Variants in GLIPR2 observed in about 807,000 individuals in gnomAD.
GLIPR2 encodes GLI pathogenesis related 2.
In GLIPR2, 21 loss-of-function variants were observed where a neutral mutation model predicts 20.4. The ratio of observed to expected loss-of-function variants is 1.03; its 90% CI spans 0.73 to 1.48. The LOEUF (loss-of-function observed/expected upper bound fraction) is 1.48, where lower values mean the gene tolerates loss of function less well. Among genes scored for constraint, GLIPR2 ranks in the 40% most tolerant of loss-of-function variants. GLIPR2 has a pLI of 0.00. For synonymous variants in GLIPR2, 91 were observed against 80.5 expected (o/e 1.13, Z -0.70); for missense variants, 205 against 200.1 (o/e 1.02, Z -0.15).
At position 36,162,642 on chromosome 9, in the gene GLIPR2, T is replaced by C; in HGVS notation, c.*120T>C. The C allele has an allele frequency of 1.1e-6, 1 of 910,462 alleles. No homozygotes were observed. The highest frequency in any genetic ancestry group is 1.7e-6 in the Non-Finnish European group (1 of 585,528). 56.4% of individuals were successfully genotyped at this position (910,462 alleles called of 1,614,324 possible). On this transcript the variant is annotated 3_prime_UTR_variant, in exon 5 of 5. Transcript: ENST00000377960. ...TGTATGTGCTTGTGTGTGTGATGCA[T>C]GTGAGCGTCTCTGGCACACACACTT...
chr9:36,138,541 G>T (rs1269183604), intron 1 of GLIPR2, among the ~76,000 whole-genome samples: 1 of 152,102 alleles, frequency 6.6e-6, no homozygotes, highest in Non-Finnish European at 1.5e-5. Flanking sequence ...GTTGTTTCTG[G>T]CATCTTATGT....
At chr9:36,160,265 C>T (rs12352722) in intron 4 of GLIPR2, among the ~76,000 whole-genome samples, 78,378 of 152,008 alleles carry the variant, frequency 0.52, 20,760 homozygotes, top group Admixed American at 0.63. Flanking sequence ...TAAGATGATC[C>T]GCCCACCTCG....
At chr9:36,156,971 T>A (rs7853494) in intron 4 of GLIPR2, among the ~76,000 whole-genome samples, 74,782 of 152,064 alleles carry the variant, frequency 0.49, 18,636 homozygotes, top group African/African-American at 0.55. Context: ...AGGTTTACCC[T>A]TATTAGAGCA....
chr9:36,145,755 C>G (rs113928677), intron 1 of GLIPR2, among the ~76,000 whole-genome samples: 13 of 151,614 alleles, frequency 8.6e-5, no homozygotes, highest in African/African-American at 3.2e-4. Context: ...GGTGGATGGA[C>G]AGATGAATGG....
At chr9:36,158,388 A>C (rs1825926606) in intron 4 of GLIPR2, among the ~76,000 whole-genome samples, 1 of 152,186 alleles carries the variant, frequency 6.6e-6, no homozygotes, top group South Asian at 2.1e-4. Context: ...TGTTTTTCAT[A>C]GTAACCATCC....
Position 36,152,622 on chromosome 9 carries a change from T to A in GLIPR2, c.304+1673T>A, listed in dbSNP as rs553138378. On this transcript the variant is annotated intron_variant, in intron 4 of 4. Coordinates refer to ENST00000377960, the MANE Select transcript of GLIPR2 (RefSeq NM_022343.4). ...AAAATTAGCTGGGCATGATGGTGCA[T>A]GCCTGTAATCCCAGCTACTCGGGAG... 3.7e-4 allele frequency among the ~76,000 whole-genome samples: 56 copies of A among 151,408 alleles called. 1 individual carries two copies. In the South Asian group the frequency reaches 9.8e-3, roughly 26 times the overall value.
intron 1 of GLIPR2, among the ~76,000 whole-genome samples, chr9:36,147,487 C>T (rs1279110622): frequency 6.6e-6 from 1 of 152,272 alleles, no homozygotes; most frequent in Admixed American, 6.5e-5. Context: ...GCTCACTGCC[C>T]TGCTCCCTTT....
At chr9:36,161,057 G>T (rs1397549895) in intron 4 of GLIPR2, among the ~76,000 whole-genome samples, 1 of 151,938 alleles carries the variant, frequency 6.6e-6, no homozygotes, top group Non-Finnish European at 1.5e-5. Flanking sequence ...AAAAAGAAAA[G>T]AAAAAGAAAA....
At chr9:36,145,737 G>A (rs1228704552) in intron 1 of GLIPR2, among the ~76,000 whole-genome samples, 1 of 151,984 alleles carries the variant, frequency 6.6e-6, no homozygotes, top group Non-Finnish European at 1.5e-5. Flanking sequence ...AGATGATGTT[G>A]GATGAATGGT....
chr9:36,162,305 T>G (rs1826089490), intron 4 of GLIPR2, 57 bp from the exon 5 acceptor site: 11 of 1,598,976 alleles, frequency 6.9e-6, no homozygotes, highest in Non-Finnish European at 9.4e-6. Flanking sequence ...TGCCACATCC[T>G]TCTTCAGGCT....
At position 36,136,767 on chromosome 9, in the gene GLIPR2, G is replaced by A; in HGVS notation, c.-12G>A. ...CGCAGCCGCGGGGAGCGAGGAGCGC[G>A]CGGAGCCGGCCATGGGCAAGTCAGG... On this transcript the variant is annotated 5_prime_UTR_variant, in exon 1 of 5. Transcript: ENST00000377960. The surrounding 1 kb of genome is among the most constrained non-coding windows in gnomAD (Gnocchi z 4.3). 1 of 1,292,484 alleles carries A rather than the reference G, an allele frequency of 7.7e-7. No individual in the cohort carries two copies. The highest frequency in any genetic ancestry group is 1.5e-5 in the African/African-American group (1 of 64,726). The allele number at this position is 1,292,484 out of a possible 1,614,324, so 80.1% of individuals were successfully genotyped here.
intron 1 of GLIPR2, chr9:36,141,757 G>C: frequency 2.2e-6 from 1 of 446,940 alleles, no homozygotes; most frequent in Admixed American, 2.5e-5. Context: ...GGGCTCAAGC[G>C]ATCCTCCCAT....
intron 4 of GLIPR2, among the ~76,000 whole-genome samples, chr9:36,152,618 T>C (rs7038550): frequency 0.28 from 42,095 of 150,572 alleles, 5,902 homozygotes; most frequent in African/African-American, 0.34. Flanking sequence ...GGCATGATGG[T>C]GCATGCCTGT....
chr9:36,137,815 G>T (rs191652814), intron 1 of GLIPR2, among the ~76,000 whole-genome samples: 13 of 152,358 alleles, frequency 8.5e-5, no homozygotes, highest in African/African-American at 2.9e-4. Context: ...GATGAGTAAG[G>T]CTAGGTCCCT....
rs561813033 is a variant in GLIPR2 at position 36,146,594 on chromosome 9, T to C, written c.14-1192T>C. Reference sequence around the variant, plus strand: ...CTGTGAAATCAAAAGAAGTTATCTATTCCAAAATACATTGGTGGGACAGGC... The same window carrying C: ...CTGTGAAATCAAAAGAAGTTATCTACTCCAAAATACATTGGTGGGACAGGC... On this transcript the variant is annotated intron_variant, in intron 1 of 4. Coordinates refer to ENST00000377960, the MANE Select transcript of GLIPR2 (RefSeq NM_022343.4). Among the ~76,000 whole-genome samples the C allele has an allele frequency of 1.5e-3, 234 of 152,310 alleles. 2 individuals are homozygous for C. Among genetic ancestry groups the C allele is most frequent in the African/African-American group, 5.3e-3 (219 of 41,568 alleles).
intron 1 of GLIPR2, chr9:36,137,023 C>A (rs891795121): frequency 1.4e-5 from 6 of 423,140 alleles, no homozygotes; most frequent in Non-Finnish European, 2.4e-5. Flanking sequence ...TTGGGCTTCC[C>A]GACCCTGAGG....
At chr9:36,151,970 G>A (rs528023942) in intron 4 of GLIPR2, among the ~76,000 whole-genome samples, 33 of 152,286 alleles carry the variant, frequency 2.2e-4, no homozygotes, top group Admixed American at 6.5e-4. Flanking sequence ...AGAGCCTTGC[G>A]GCCTTCCACC....
intron 4 of GLIPR2, among the ~76,000 whole-genome samples, chr9:36,161,571 C>T (rs528618722): frequency 1.3e-5 from 2 of 149,570 alleles, no homozygotes; most frequent in African/African-American, 2.5e-5. Context: ...TAAGTGAGGG[C>T]GAGGAGGCGG....
At chr9:36,148,760 G>A in intron 3 of GLIPR2, 110 bp downstream of exon 3, 2 of 704,294 alleles carry the variant, frequency 2.8e-6, no homozygotes, top group Admixed American at 2.3e-5. Context: ...ACAGGCCCAG[G>A]AAAGGAAAGA....
Sources: allele counts gnomAD v4.1 joint callset (sites outside exome capture counted in the v4.1 genomes callset), GRCh38; gene constraint gnomAD v4.1.1; non-coding constraint Gnocchi (gnomAD v3.1); transcripts MANE v1.5; gene names NCBI Gene and HGNC (gene_info 2026-07-23, HGNC 2026-07-21).